Variants in ANO2 observed in about 807,000 individuals in gnomAD.
ANO2 encodes the protein anoctamin-2.
A neutral mutation model predicts 124.2 loss-of-function variants in ANO2; 101 were observed. The observed-to-expected ratio is 0.81, with a 90% CI of 0.69 to 0.96. ANO2 has a LOEUF of 0.96. Ranked by LOEUF, ANO2 falls within the 40% of genes least tolerant of loss-of-function variation. The probability of loss-of-function intolerance (pLI) is 0.00; values close to 1 mark genes in which losing one functional copy is unlikely to be tolerated. For synonymous variants in ANO2, 486 were observed against 482.5 expected (o/e 1.01, Z -0.09); for missense variants, 1,293 against 1,274.5 (o/e 1.01, Z -0.22).
At chr12:5,727,973 A>AT (rs1427565765) in intron 14 of ANO2, among the ~76,000 whole-genome samples, 1 of 151,900 alleles carries the variant, frequency 6.6e-6, no homozygotes, top group African/African-American at 2.4e-5. Context: ...CGCCCAGCTA[A>AT]TTTTTTGTAT....
rs1339258621 is a variant in ANO2, at chr12:5,922,632, G to A, written c.195C>T (p.Thr65=). 6.5e-7 allele frequency: 1 copy of A among 1,542,474 alleles called. No individual in the cohort carries two copies. Among genetic ancestry groups the A allele is most frequent in the South Asian group, 1.2e-5 (1 of 84,026 alleles). Residue 65 remains threonine, a synonymous_variant, in exon 2 of 25, where the codon ACC becomes ACT. Coordinates refer to ENST00000682330, the MANE Select transcript of ANO2 (RefSeq NM_001364791.2). ...GCCCAGTACTCACAGAGCTGCTGCG[G>A]GTGCTCTCTCCACCGCAGGGCTGGC... is the stretch of plus-strand genomic sequence containing the variant. ...DPGQPCGGES[T]RSSSVINNYL...
rs573589205 is a variant in ANO2, at chr12:5,913,424, A to G, written c.534+7616T>C. Among the ~76,000 whole-genome samples the G allele has an allele frequency of 2.8e-3, 429 of 152,356 alleles. 3 individuals carry two copies. The highest frequency in any genetic ancestry group is 5.2e-3 in the Admixed American group (79 of 15,308). ...AGGGAGGGCAAAAAGCCCAGAGTCC[A>G]GTGGGCTCACGGCCCTGGCGCCACA... On this transcript the variant is annotated intron_variant, in intron 3 of 24. Transcript: ENST00000682330.
chr12:5,930,805 C>G (rs950544563), intron 1 of ANO2, among the ~76,000 whole-genome samples: 4 of 152,180 alleles, frequency 2.6e-5, no homozygotes, highest in African/African-American at 7.2e-5. Flanking sequence ...CAGCACTTCC[C>G]TCAGTCTCTA....
intron 23 of ANO2, among the ~76,000 whole-genome samples, chr12:5,567,225 G>T (rs1164115526): frequency 6.6e-6 from 1 of 152,156 alleles, no homozygotes; most frequent in African/African-American, 2.4e-5. Flanking sequence ...CGGATGAAAA[G>T]CAAAGCTAAC....
intron 14 of ANO2, among the ~76,000 whole-genome samples, chr12:5,707,622 T>C (rs936734198): frequency 6.6e-6 from 1 of 152,174 alleles, no homozygotes; most frequent in Non-Finnish European, 1.5e-5. Flanking sequence ...TGTTCCCAGC[T>C]TTCCCCACCC....
In ANO2 at chr12:5,804,924, GA is replaced by G. The variant is rs373886984; in HGVS notation, c.990+1127del. Among the ~76,000 whole-genome samples, 804 of 152,178 alleles carry G rather than the reference GA, an allele frequency of 5.3e-3. 11 individuals are homozygous for G. The highest frequency in any genetic ancestry group is 0.019 in the African/African-American group (772 of 41,502). ...TGATCACCATTTAAAGGGAAGGAAG[GA>G]AAAATTAGAGAGTGGGAGGACAGAA... On this transcript the variant is annotated intron_variant, in intron 9 of 24. Transcript: ENST00000682330.
intron 7 of ANO2, among the ~76,000 whole-genome samples, chr12:5,818,248 G>T (rs1482945429): frequency 6.6e-6 from 1 of 151,744 alleles, no homozygotes; most frequent in Admixed American, 6.6e-5. Flanking sequence ...CTAATCAGCT[G>T]CCAGTGCAGC....
intron 3 of ANO2, among the ~76,000 whole-genome samples, chr12:5,911,158 G>A (rs930547608): frequency 5.3e-5 from 8 of 152,124 alleles, no homozygotes; most frequent in African/African-American, 1.4e-4. Context: ...GATTCTCCCA[G>A]GTCAGGTCTG....
intron 2 of ANO2, 23 bp downstream of exon 2, chr12:5,922,597 C>T (rs556064409): frequency 6.7e-7 from 1 of 1,492,436 alleles, no homozygotes; most frequent in African/African-American, 1.4e-5. Flanking sequence ...TATCCCCCCA[C>T]CCCACCCCCG....
chr12:5,927,851 G>T (rs182779020), intron 1 of ANO2, among the ~76,000 whole-genome samples: 26 of 152,352 alleles, frequency 1.7e-4, no homozygotes, highest in Admixed American at 9.8e-4. Flanking sequence ...TCCCCAGACA[G>T]TCTGGCAGGA....
intron 7 of ANO2, among the ~76,000 whole-genome samples, chr12:5,823,930 G>A (rs568390436): frequency 6.6e-6 from 1 of 152,344 alleles, no homozygotes; most frequent in Admixed American, 6.5e-5. Flanking sequence ...CATGGAAGCT[G>A]CCAAGGCTTG....
upstream of ANO2, chr12:5,945,299 C>G (rs986776031): frequency 1.1e-4 from 125 of 1,151,000 alleles, 1 homozygote; most frequent in Admixed American, 4.5e-3. Flanking sequence ...TCCATCGCGG[C>G]TCAGCTCCGT....
At chr12:5,945,094 G>C (rs1160381776) in intron 1 of ANO2, 102 bp downstream of exon 1, 2 of 1,134,934 alleles carry the variant, frequency 1.8e-6, no homozygotes, top group Non-Finnish European at 2.3e-6. Flanking sequence ...CTCCCTTGGG[G>C]GTCCCCAATC....
rs139938766 is a variant in ANO2 at position 5,681,098 on chromosome 12, A to G, written c.1546-33297T>C. 1.9e-3 allele frequency among the ~76,000 whole-genome samples: 284 copies of G among 152,288 alleles called. 1 individual carries two copies. The highest frequency in any genetic ancestry group is 6.5e-3 in the African/African-American group (271 of 41,578). On this transcript the variant is annotated intron_variant, in intron 14 of 24. Transcript: ENST00000682330. Reference sequence around the variant, plus strand: ...GGTTCCTGCCACACAACCTGCACACAGGGATTTGCACAGAGCACTGCCTTC... The same window carrying G: ...GGTTCCTGCCACACAACCTGCACACGGGGATTTGCACAGAGCACTGCCTTC...
intron 1 of ANO2, among the ~76,000 whole-genome samples, chr12:5,927,983 G>A (rs1016353981): frequency 6.6e-6 from 1 of 152,152 alleles, no homozygotes; most frequent in African/African-American, 2.4e-5. Flanking sequence ...AGCTGACAGG[G>A]GAAACACCAA....
intron 13 of ANO2, among the ~76,000 whole-genome samples, chr12:5,738,390 GT>G (rs1950960498): frequency 6.6e-6 from 1 of 152,232 alleles, no homozygotes; most frequent in African/African-American, 2.4e-5. Flanking sequence ...CCTTACTGCT[GT>G]GGCCAGTCCT....
At chr12:5,830,620 T>G in intron 5 of ANO2, 131 bp from the exon 6 acceptor site, 1 of 606,272 alleles carries the variant, frequency 1.6e-6, no homozygotes, top group Non-Finnish European at 2.8e-6. Flanking sequence ...ACACACACGA[T>G]GTTTATGCCC....
At chr12:5,639,490 T>C (rs10849308) in intron 15 of ANO2, among the ~76,000 whole-genome samples, 36,035 of 152,096 alleles carry the variant, frequency 0.24, 5,259 homozygotes, top group Admixed American at 0.34. Context: ...AGTAGTACCT[T>C]CAGCACGAGA....
intron 10 of ANO2, among the ~76,000 whole-genome samples, chr12:5,754,259 A>G (rs1056325009): frequency 2.9e-4 from 44 of 152,234 alleles, no homozygotes; most frequent in Admixed American, 1.7e-3. Context: ...TATCCCAAGG[A>G]AAAAAACCCT....
Sources: allele counts gnomAD v4.1 joint callset (sites outside exome capture counted in the v4.1 genomes callset), GRCh38; gene constraint gnomAD v4.1.1; transcripts MANE v1.5; gene names NCBI Gene and HGNC (gene_info 2026-07-23, HGNC 2026-07-21).